PRR5L: variants seen among roughly 807,000 people sequenced by gnomAD.
The protein encoded by PRR5L is proline rich 5 like, also known as proline-rich protein 5-like.
PRR5L carries 21 observed loss-of-function variants against 36.4 expected under a neutral mutation model. The ratio of observed to expected loss-of-function variants is 0.58; its 90% CI spans 0.41 to 0.83. The LOEUF (loss-of-function observed/expected upper bound fraction) is 0.83. Among genes scored for constraint, PRR5L ranks in the 40% least tolerant of loss-of-function variants. The probability of loss-of-function intolerance (pLI) is 0.00; values close to 1 mark genes in which losing one functional copy is unlikely to be tolerated. For synonymous variants in PRR5L, 188 were observed against 197.0 expected (o/e 0.95, Z 0.38); for missense variants, 381 against 473.3 (o/e 0.80, Z 1.81).
At chr11:36,306,929 C>A (rs1365639863) in intron 1 of PRR5L, among the ~76,000 whole-genome samples, 1 of 152,116 alleles carries the variant, frequency 6.6e-6, no homozygotes, top group African/African-American at 2.4e-5. Context: ...AAAAGCACCC[C>A]CCACATCTCT....
intron 1 of PRR5L, among the ~76,000 whole-genome samples, chr11:36,386,082 G>T (rs1317918209): frequency 4.6e-5 from 7 of 152,198 alleles, no homozygotes; most frequent in Non-Finnish European, 1.0e-4. Flanking sequence ...GATCACTTGA[G>T]GCCAGGAGTT....
At chr11:36,452,382 T>C (rs1858963154) in intron 8 of PRR5L, among the ~76,000 whole-genome samples, 1 of 152,202 alleles carries the variant, frequency 6.6e-6, no homozygotes, top group Admixed American at 6.5e-5. Flanking sequence ...TTCCTGGGCC[T>C]CTCTACCACA....
chr11:36,310,483 A>T (rs1299999903), intron 1 of PRR5L, among the ~76,000 whole-genome samples: 1 of 152,198 alleles, frequency 6.6e-6, no homozygotes, highest in African/African-American at 2.4e-5. Flanking sequence ...CAAGTAATTT[A>T]TTTGGAAGGT....
chr11:36,436,834 A>G (rs1049358064), intron 5 of PRR5L, among the ~76,000 whole-genome samples: 5 of 152,200 alleles, frequency 3.3e-5, no homozygotes, highest in East Asian at 1.9e-4. Context: ...GTCATGAGAT[A>G]TCTTATAGGT....
chr11:36,381,211 A>C (rs949702638), intron 1 of PRR5L, among the ~76,000 whole-genome samples: 1 of 152,078 alleles, frequency 6.6e-6, no homozygotes, highest in Non-Finnish European at 1.5e-5. Context: ...CTCTCCTTAC[A>C]TTACCTATTA....
chr11:36,433,100 GT>G (rs1858535079), intron 5 of PRR5L, among the ~76,000 whole-genome samples: 1 of 151,864 alleles, frequency 6.6e-6, no homozygotes. Context: ...TTAAATTGTG[GT>G]TAAACAAAAC....
chr11:36,462,123 G>A (rs111594773), intron 8 of PRR5L, among the ~76,000 whole-genome samples: 56 of 152,282 alleles, frequency 3.7e-4, no homozygotes, highest in Middle Eastern at 3.4e-3. Context: ...TAATATGTGG[G>A]GTAGGGTTGG....
At chr11:36,304,039 GA>G (rs1348729437) in intron 1 of PRR5L, among the ~76,000 whole-genome samples, 1 of 152,170 alleles carries the variant, frequency 6.6e-6, no homozygotes, top group Non-Finnish European at 1.5e-5. Context: ...CACTTGAAAT[GA>G]GGGACACTGT....
intron 3 of PRR5L, among the ~76,000 whole-genome samples, chr11:36,410,539 A>G (rs534376438): frequency 5.8e-4 from 88 of 152,336 alleles, no homozygotes; most frequent in African/African-American, 2.0e-3. Flanking sequence ...ATACACTCCT[A>G]CCTGTGAGGC....
intron 8 of PRR5L, among the ~76,000 whole-genome samples, chr11:36,460,501 T>C (rs1367606500): frequency 6.6e-6 from 1 of 152,208 alleles, no homozygotes; most frequent in Non-Finnish European, 1.5e-5. Flanking sequence ...AGTATCTCTG[T>C]GGTGTCTCTA....
chr11:36,433,722 G>A (rs920625207), intron 5 of PRR5L, among the ~76,000 whole-genome samples: 1 of 152,096 alleles, frequency 6.6e-6, no homozygotes, highest in Non-Finnish European at 1.5e-5. Context: ...GCTAATTTTT[G>A]TATATTTAGT....
At chr11:36,404,983 C>A (rs1857879520) in intron 3 of PRR5L, among the ~76,000 whole-genome samples, 1 of 152,162 alleles carries the variant, frequency 6.6e-6, no homozygotes, top group African/African-American at 2.4e-5. Context: ...CCATGAGGTT[C>A]TTTAGTTCAC....
chr11:36,320,143 C>T (rs1856598596), intron 1 of PRR5L, among the ~76,000 whole-genome samples: 1 of 152,104 alleles, frequency 6.6e-6, no homozygotes. Flanking sequence ...TGTCGTCGTA[C>T]CTCTGCCCCT....
chr11:36,446,550 G>T lies in PRR5L; in HGVS notation c.585+110G>T, dbSNP rs1273941706. The T allele has an allele frequency of 3.0e-6, 4 of 1,321,270 alleles. No homozygotes were observed. In the Admixed American group the frequency reaches 6.4e-5, roughly 21 times the overall value. 81.8% of individuals were successfully genotyped at this position (1,321,270 alleles called of 1,614,324 possible). On this transcript the variant is annotated intron_variant, in intron 7 of 8. Coordinates refer to ENST00000530639, the MANE Select transcript of PRR5L (RefSeq NM_001160167.2). ...CTAGTGACCAGAGCACCTTAGCTTG[G>T]CTTACTACTATTTAGTTTGTTGGCC...
intron 1 of PRR5L, among the ~76,000 whole-genome samples, chr11:36,371,842 C>T (rs140575544): frequency 1.3e-4 from 20 of 152,100 alleles, no homozygotes; most frequent in African/African-American, 4.6e-4. Context: ...GCGGATCACC[C>T]GAGGTCAACG....
At chr11:36,301,308 G>A (rs551036477) in intron 1 of PRR5L, among the ~76,000 whole-genome samples, 1 of 152,230 alleles carries the variant, frequency 6.6e-6, no homozygotes, top group South Asian at 2.1e-4. Context: ...TGACCAGAGT[G>A]GGTTTGTCTT....
intron 1 of PRR5L, among the ~76,000 whole-genome samples, chr11:36,305,463 T>A (rs548547622): frequency 6.6e-6 from 1 of 152,354 alleles, no homozygotes; most frequent in Non-Finnish European, 1.5e-5. Flanking sequence ...TTTGCTGTGG[T>A]GATGGTTGTA....
chr11:36,333,825 C>T (rs909295659), intron 1 of PRR5L, among the ~76,000 whole-genome samples: 2 of 151,992 alleles, frequency 1.3e-5, no homozygotes. Flanking sequence ...TATACAACTG[C>T]CAGAACAAAT....
At chr11:36,314,472 G>T (rs1049485435) in intron 1 of PRR5L, among the ~76,000 whole-genome samples, 8 of 152,188 alleles carry the variant, frequency 5.3e-5, no homozygotes, top group African/African-American at 1.9e-4. Context: ...ACACATACAT[G>T]CACCTGCACA....
Sources: gnomAD v4.1 joint callset for allele counts (sites outside exome capture counted in the v4.1 genomes callset) on GRCh38, gnomAD v4.1.1 for gene constraint, MANE v1.5 for transcripts, NCBI Gene and HGNC (gene_info 2026-07-23, HGNC 2026-07-21) for gene names.